The following CT55 variants were observed in gnomAD, a reference collection of about 807,000 sequenced individuals.
CT55 encodes BRCA2-interacting protein.
A neutral mutation model predicts 12.6 loss-of-function variants in CT55; 1 was observed. The observed-to-expected ratio is 0.08, with a 90% CI of 0.03 to 0.38. CT55 has a LOEUF of 0.38. CT55 is among the 10% of genes least tolerant of loss of function. The pLI, the probability that CT55 is intolerant of heterozygous loss-of-function variation, is 0.99. For missense variants in CT55, 109 were observed against 135.4 expected (o/e 0.80, Z 0.97); for synonymous variants, 43 against 49.7 (o/e 0.87, Z 0.57).
intron 1 of CT55, 147 bp from the exon 2 acceptor site, chrX:135,169,925 A>C: frequency 3.2e-6 from 1 of 312,419 alleles, no homozygotes; most frequent in Non-Finnish European, 5.7e-6. Context: ...ATCCACAACA[A>C]TCACAATTTC....
rs1201918149 is a variant in CT55, at chrX:135,171,305, A to G, written c.-134T>C. ...CCTGCTTCTCCTCAGACACTGTGGC[A>G]TGGGACCCACCCGTTAGTGAGCCCC... On this transcript the variant is annotated 5_prime_UTR_variant, in exon 1 of 6. It removes an upstream start codon present in the reference 5' UTR. Coordinates refer to ENST00000276241, the MANE Select transcript of CT55 (RefSeq NM_001031705.3). 3.7e-6 allele frequency: 4 copies of G among 1,082,086 alleles called. No individual in the cohort carries two copies. In the African/African-American group the frequency reaches 7.4e-5, roughly 20 times the overall value. The allele number at this position is 1,082,086 out of a possible 1,213,427, so 89.2% of individuals were successfully genotyped here.
In CT55 at chrX:135,171,061, GAC is replaced by G; in HGVS notation, c.94+15_94+16del. On this transcript the variant is annotated intron_variant, in intron 1 of 5. Transcript: ENST00000276241. ...AGGCTTCTGGGGTGGGGGACAAGGG[GAC>G]ACACAGAGGAATACCTTGTGGGAGG... 3 of 1,209,820 alleles carry G rather than the reference GAC, an allele frequency of 2.5e-6. No homozygotes were observed. Among genetic ancestry groups the G allele is most frequent in the Middle Eastern group, 4.6e-4 (2 of 4,341 alleles).
Position 135,171,331 on chromosome X carries a change from C to T in CT55, c.-160G>A. The T allele has an allele frequency of 4.0e-6, 4 of 997,462 alleles. No homozygotes were observed. The Admixed American group carries it at 1.4e-4, about 36-fold the overall frequency. 82.2% of individuals were successfully genotyped at this position (997,462 alleles called of 1,213,427 possible). ...TGGGACCCACCCGTTAGTGAGCCCCCCTCAGGAGAGTCAGGGACACCGCAG... is the reference window on the plus strand; with the variant it reads ...TGGGACCCACCCGTTAGTGAGCCCCTCTCAGGAGAGTCAGGGACACCGCAG... On this transcript the variant is annotated 5_prime_UTR_variant, in exon 1 of 6. Transcript: ENST00000276241.
intron 2 of CT55, among the ~76,000 whole-genome samples, chrX:135,168,605 C>T (rs1448568390): frequency 1.8e-5 from 2 of 110,950 alleles, no homozygotes; most frequent in Non-Finnish European, 3.8e-5. Flanking sequence ...TGGGGGAGCA[C>T]GAAGAGCTTC....
intron 2 of CT55, among the ~76,000 whole-genome samples, chrX:135,162,977 G>C (rs142163185): frequency 9.0e-5 from 10 of 111,693 alleles, no homozygotes; most frequent in African/African-American, 3.3e-4. Flanking sequence ...ACCTGCCGCT[G>C]TGTCCCTGTG....
intron 1 of CT55, among the ~76,000 whole-genome samples, chrX:135,170,049 G>A (rs1164325187): frequency 1.5e-4 from 17 of 110,735 alleles, no homozygotes; most frequent in South Asian, 3.9e-4. Flanking sequence ...CTCTGTCGCC[G>A]GGGCTGGAGT....
chrX:135,158,184 C>A lies in CT55; in HGVS notation c.537+15G>T. 9.1e-7 allele frequency: 1 copy of A among 1,094,836 alleles called. No individual in the cohort carries two copies. The highest frequency in any genetic ancestry group is 1.3e-6 in the Non-Finnish European group (1 of 790,830). 90.2% of individuals were successfully genotyped at this position (1,094,836 alleles called of 1,213,427 possible). ...TAGCAGAAACTGCTGACGGGAGCAA[C>A]AGGAAAGAAATTACCTCTTCCGTAT... On this transcript the variant is annotated intron_variant, in intron 4 of 5. Transcript: ENST00000276241.
rs2083558495 is a variant in CT55 at position 135,160,563 on chromosome X, A to G, written c.280-8T>C. 5.9e-6 allele frequency: 7 copies of G among 1,180,088 alleles called. No individual in the cohort carries two copies. Among genetic ancestry groups the G allele is most frequent in the Non-Finnish European group, 7.9e-6 (7 of 885,976 alleles). On this transcript the variant is annotated splice_polypyrimidine_tract_variant and splice_region_variant and intron_variant, in intron 2 of 5. Coordinates refer to ENST00000276241, the MANE Select transcript of CT55 (RefSeq NM_001031705.3). Reference sequence around the variant, plus strand: ...GCGAGGCACAACATCCACCTGTAAGATTTAGGAAAGAGTTTACTTCAAAAA... The same window carrying G: ...GCGAGGCACAACATCCACCTGTAAGGTTTAGGAAAGAGTTTACTTCAAAAA...
At chrX:135,163,279 A>G (rs781960512) in intron 2 of CT55, among the ~76,000 whole-genome samples, 12 of 112,699 alleles carry the variant, frequency 1.1e-4, no homozygotes, top group Non-Finnish European at 2.1e-4. Context: ...AATTCAAAAT[A>G]TCTATTTTCC....
At chrX:135,161,076 T>C (rs1321181536) in intron 2 of CT55, among the ~76,000 whole-genome samples, 2 of 109,338 alleles carry the variant, frequency 1.8e-5, no homozygotes, top group Middle Eastern at 4.6e-3. Flanking sequence ...GTTAGGAGCC[T>C]AGGGAGCAAA....
chrX:135,167,493 C>G (rs2083591108), intron 2 of CT55, among the ~76,000 whole-genome samples: 3 of 111,504 alleles, frequency 2.7e-5, no homozygotes, highest in African/African-American at 9.8e-5. Flanking sequence ...AGCTGTGAAA[C>G]TACTAGAAGG....
intron 2 of CT55, among the ~76,000 whole-genome samples, chrX:135,164,525 C>A (rs1475327480): frequency 9.0e-6 from 1 of 111,621 alleles, no homozygotes; most frequent in Non-Finnish European, 1.9e-5. Flanking sequence ...GAAGAAATTA[C>A]CTACAAAATA....
At chrX:135,165,893 A>G (rs6638329) in intron 2 of CT55, among the ~76,000 whole-genome samples, 1 of 109,424 alleles carries the variant, frequency 9.1e-6, no homozygotes, top group Admixed American at 9.8e-5. Flanking sequence ...ATCTGAACAG[A>G]CCATTAATGA....
At chrX:135,161,130 A>G (rs1169743262) in intron 2 of CT55, among the ~76,000 whole-genome samples, 10 of 110,285 alleles carry the variant, frequency 9.1e-5, no homozygotes, top group Middle Eastern at 4.6e-3. Context: ...GAAGCATGAG[A>G]TAAAGTTGGA....
Position 135,171,290 on chromosome X carries a change from C to T in CT55, c.-119G>A. The T allele has an allele frequency of 9.0e-7, 1 of 1,113,335 alleles. No homozygotes were observed. 91.8% of individuals were successfully genotyped at this position (1,113,335 alleles called of 1,213,427 possible). ...CTCAGGGACTCACTTCCTGCTTCTC[C>T]TCAGACACTGTGGCATGGGACCCAC... On this transcript the variant is annotated 5_prime_UTR_variant, in exon 1 of 6. Transcript: ENST00000276241.
intron 2 of CT55, among the ~76,000 whole-genome samples, chrX:135,163,748 A>G (rs2083571811): frequency 8.9e-6 from 1 of 111,828 alleles, no homozygotes; most frequent in Non-Finnish European, 1.9e-5. Flanking sequence ...AGATTACCCC[A>G]TGACATATTA....
In CT55 at chrX:135,171,384, C is replaced by G. The variant is rs1415783748; in HGVS notation, c.-213G>C. ...TCCAAAGGAGCTCCCAGCTTCTCCGCTGACTTCTCCCTCTGAGCATGCGCT... is the reference window on the plus strand; with the variant it reads ...TCCAAAGGAGCTCCCAGCTTCTCCGGTGACTTCTCCCTCTGAGCATGCGCT... On this transcript the variant is annotated 5_prime_UTR_variant, in exon 1 of 6. Transcript: ENST00000276241. The G allele has an allele frequency of 4.5e-6, 3 of 667,026 alleles. No individual in the cohort carries two copies. The African/African-American group carries it at 6.7e-5, about 15-fold the overall frequency. 55.0% of individuals were successfully genotyped at this position (667,026 alleles called of 1,213,427 possible).
chrX:135,159,925 AACAC>A (rs57481039), intron 3 of CT55, among the ~76,000 whole-genome samples: 177 of 105,408 alleles, frequency 1.7e-3, no homozygotes, highest in African/African-American at 5.2e-3. Context: ...ATTCAACAAC[AACAC>A]ACACACACAC....
Position 135,169,714 on chromosome X carries a change from A to G in CT55, c.159T>C (p.Ile53=), listed in dbSNP as rs1556406500. Residue 53 remains isoleucine (I), a synonymous_variant, in exon 2 of 6, where the codon ATT becomes ATC. Transcript: ENST00000276241. ...VTSFCGDYGM[I]DESIYFSSDV... ...CACTACTGAAGTAGATCGACTCATCAATCATGCCATAATCACCACAGAAAC... is the reference window on the plus strand; with the variant it reads ...CACTACTGAAGTAGATCGACTCATCGATCATGCCATAATCACCACAGAAAC... The G allele has an allele frequency of 7.5e-6, 9 of 1,207,627 alleles. No individual in the cohort carries two copies. Among genetic ancestry groups the G allele is most frequent in the Non-Finnish European group, 1.0e-5 (9 of 892,543 alleles).
Sources: gnomAD v4.1 joint callset for allele counts (sites outside exome capture counted in the v4.1 genomes callset) on GRCh38, gnomAD v4.1.1 for gene constraint, MANE v1.5 for transcripts, NCBI Gene and HGNC (gene_info 2026-07-23, HGNC 2026-07-21) for gene names.